CCDC73: variants seen among roughly 807,000 people sequenced by gnomAD.
CCDC73 encodes the protein coiled-coil domain-containing protein 73.
CCDC73 carries 95 observed loss-of-function variants against 116.5 expected under a neutral mutation model. The observed-to-expected ratio is 0.82, with a 90% confidence interval of 0.69 to 0.97. The LOEUF is 0.97. Among genes scored for constraint, CCDC73 ranks in the 50% least tolerant of loss-of-function variants. The pLI is 0.00. For synonymous variants in CCDC73, 398 were observed against 401.3 expected (o/e 0.99, Z 0.10); for missense variants, 1,066 against 1,206.8 (o/e 0.88, Z 1.73).
chr11:32,693,339 C>CA (rs984187216), intron 6 of CCDC73, among the ~76,000 whole-genome samples: 1 of 152,138 alleles, frequency 6.6e-6, no homozygotes, highest in African/African-American at 2.4e-5. Flanking sequence ...ATTTAAGTTT[C>CA]AACTTGGGGG....
chr11:32,771,630 A>G (rs1032338660), intron 1 of CCDC73, among the ~76,000 whole-genome samples: 30 of 152,204 alleles, frequency 2.0e-4, no homozygotes, highest in Non-Finnish European at 1.2e-4. Context: ...GCAGCCAAAG[A>G]GCATGAACCA....
chr11:32,689,328 T>C (rs113282171), intron 6 of CCDC73, among the ~76,000 whole-genome samples: 4,422 of 152,124 alleles, frequency 0.029, 83 homozygotes, highest in Non-Finnish European at 0.039. Flanking sequence ...AAGAGCTCTG[T>C]AGGAAGAATT....
chr11:32,707,703 ATTAT>A (rs34269657), intron 3 of CCDC73, among the ~76,000 whole-genome samples: 41,164 of 151,948 alleles, frequency 0.27, 5,871 homozygotes, highest in South Asian at 0.35. Flanking sequence ...AACAAAGCAC[ATTAT>A]TTACGGTATG....
At chr11:32,617,546 A>G (rs2133224226) in intron 14 of CCDC73, among the ~76,000 whole-genome samples, 1 of 152,334 alleles carries the variant, frequency 6.6e-6, no homozygotes. Context: ...AGAGTGATAC[A>G]TCAGGAGAGT....
chr11:32,804,419 C>G, the CCDC73 span, among the ~76,000 whole-genome samples: 1 of 152,338 alleles, frequency 6.6e-6, no homozygotes, highest in East Asian at 1.9e-4. Context: ...GTGTGAGCCA[C>G]TGGTGCCAGC....
At chr11:32,776,371 T>C (rs1297611193) in intron 1 of CCDC73, among the ~76,000 whole-genome samples, 2 of 152,180 alleles carry the variant, frequency 1.3e-5, no homozygotes, top group East Asian at 3.8e-4. Flanking sequence ...GTTCTTTTTG[T>C]ATACAAATCA....
intron 2 of CCDC73, among the ~76,000 whole-genome samples, chr11:32,742,967 G>C (rs1414684528): frequency 6.6e-6 from 1 of 152,174 alleles, no homozygotes. Flanking sequence ...GATGGTGGTA[G>C]ATGTGTGGTG....
chr11:32,734,092 C>G (rs1348002155), intron 2 of CCDC73, among the ~76,000 whole-genome samples: 3 of 152,154 alleles, frequency 2.0e-5, no homozygotes, highest in South Asian at 2.1e-4. Flanking sequence ...AAGGGGATAT[C>G]ACCACTGATC....
rs922138185 is a variant in CCDC73 at position 32,677,588 on chromosome 11, C to G, written c.430-1567G>C. 3.3e-5 allele frequency among the ~76,000 whole-genome samples: 5 copies of G among 152,126 alleles called. No individual in the cohort carries two copies. In the East Asian group the frequency reaches 7.7e-4, roughly 23 times the overall value. On this transcript the variant is annotated intron_variant, in intron 7 of 17. Transcript: ENST00000335185. ...TCATTCTCAAGCAATTCTTTATTCT[C>G]TGGTTGATTGTGAATGCCTCCCCTA...
rs768348857 is a variant in CCDC73 at position 32,614,436 on chromosome 11, C to A, written c.1882G>T (p.Asp628Tyr). 9.3e-6 allele frequency: 15 copies of A among 1,613,486 alleles called. No individual in the cohort carries two copies. Among genetic ancestry groups the A allele is most frequent in the Non-Finnish European group, 1.2e-5 (14 of 1,179,732 alleles). ...EITNSDQTKA[D>Y]LDSSLDIKKN... is the part of the protein sequence containing the mutation. ...TTTATATCTAGAGACGAGTCCAAAT[C>A]TGCTTTGGTTTGGTCACTATTTGTA... is the stretch of plus-strand genomic sequence containing the variant. The change falls in exon 16 of 18, where the codon GAT becomes TAT. Residue 628 changes from aspartate (D) to tyrosine (Y), a missense_variant. Physicochemically the swap from Asp to Tyr is radical, Grantham distance 160. Transcript: ENST00000335185.
chr11:32,721,942 A>G (rs959689942), intron 2 of CCDC73, among the ~76,000 whole-genome samples: 1 of 152,094 alleles, frequency 6.6e-6, no homozygotes, highest in African/African-American at 2.4e-5. Context: ...ATACATACAC[A>G]TATATACACT....
chr11:32,708,930 A>C (rs2133323096), intron 3 of CCDC73, among the ~76,000 whole-genome samples: 1 of 152,154 alleles, frequency 6.6e-6, no homozygotes, highest in African/African-American at 2.4e-5. Flanking sequence ...TCTGGCTAGG[A>C]CTTCTAGTAC....
At chr11:32,755,847 ATATG>A (rs1350370613) in intron 2 of CCDC73, among the ~76,000 whole-genome samples, 1 of 134,522 alleles carries the variant, frequency 7.4e-6, no homozygotes, top group Admixed American at 8.0e-5. Context: ...ATCTCCATAT[ATATG>A]TGTGTGTATA....
At chr11:32,788,429 CT>C (rs1850645935) in intron 1 of CCDC73, among the ~76,000 whole-genome samples, 1 of 151,338 alleles carries the variant, frequency 6.6e-6, no homozygotes, top group African/African-American at 2.4e-5. Flanking sequence ...TTCAATAAAT[CT>C]TTCTGTTTAA....
chr11:32,615,994 T>C lies in CCDC73; in HGVS notation c.1321A>G (p.Arg441Gly), dbSNP rs201350176. 2 of 1,597,038 alleles carry C rather than the reference T, an allele frequency of 1.3e-6. No homozygotes were observed. The highest frequency in any genetic ancestry group is 1.3e-5 in the African/African-American group (1 of 74,200). ...CCTTCTTTTTTTTCTTCTTTTTCTC[T>C]GTATTCAGTATCTGAACAAAAATTC... ...MENFCSDTEYREKEEKKEGSF... is the reference protein window; with the variant it reads ...MENFCSDTEYGEKEEKKEGSF... Residue 441 changes from arginine to glycine, a missense_variant, in exon 15 of 18, where the codon AGA (arginine) becomes GGA (glycine). By Grantham distance (125) the Arg-to-Gly change is moderately radical (BLOSUM62 -2). Transcript: ENST00000335185.
chr11:32,614,738 C>A lies in CCDC73; in HGVS notation c.1580G>T (p.Gly527Val). The A allele has an allele frequency of 6.2e-7, 1 of 1,612,574 alleles. No homozygotes were observed. The highest frequency in any genetic ancestry group is 8.5e-7 in the Non-Finnish European group (1 of 1,179,166). Reference sequence around the variant, plus strand: ...ATTTGGTGATTTAAATTCTGTACATCCATTGTCTTTTTCCAAGCATATCTT... The same window carrying A: ...ATTTGGTGATTTAAATTCTGTACATACATTGTCTTTTTCCAAGCATATCTT... ...KDKICLEKDNGCTEFKSPNNH... is the reference protein window; with the variant it reads ...KDKICLEKDNVCTEFKSPNNH... Residue 527 changes from glycine to valine, a missense_variant, in exon 16 of 18, where the codon GGA becomes GTA. Coordinates refer to ENST00000335185, the MANE Select transcript of CCDC73 (RefSeq NM_001008391.4).
At position 32,613,840 on chromosome 11, in the gene CCDC73, G is replaced by A. The variant is rs754518007; in HGVS notation, c.2478C>T (p.Leu826=). ...TTTCATTAATGCTCACAAAAAGGAAGAGGTCATTTTTTGTGGCTTCAGTTA... is the reference window on the plus strand; with the variant it reads ...TTTCATTAATGCTCACAAAAAGGAAAAGGTCATTTTTTGTGGCTTCAGTTA... ...NQVTEATKND[L]FLFVSINERQ... is the part of the protein sequence containing the mutation. The change falls in exon 16 of 18, where the codon CTC becomes CTT. Residue 826 remains leucine (L), a synonymous_variant. Coordinates refer to ENST00000335185, the MANE Select transcript of CCDC73 (RefSeq NM_001008391.4). The A allele has an allele frequency of 6.2e-7, 1 of 1,613,644 alleles. No homozygotes were observed. The highest frequency in any genetic ancestry group is 8.5e-7 in the Non-Finnish European group (1 of 1,179,924).
intron 7 of CCDC73, chr11:32,679,785 T>A (rs1856127443): frequency 6.6e-6 from 1 of 152,188 alleles, no homozygotes; most frequent in Admixed American, 6.6e-5. Context: ...TAAAAAGTGA[T>A]GAATAAAATA....
intron 12 of CCDC73, among the ~76,000 whole-genome samples, chr11:32,649,905 A>C (rs1362761732): frequency 6.6e-6 from 1 of 152,178 alleles, no homozygotes; most frequent in Non-Finnish European, 1.5e-5. Context: ...GTTTTTGACA[A>C]TACTTTAAAA....
Sources: gnomAD v4.1 joint callset for allele counts (sites outside exome capture counted in the v4.1 genomes callset) on GRCh38, gnomAD v4.1.1 for gene constraint, MANE v1.5 for transcripts, NCBI Gene and HGNC (gene_info 2026-07-23, HGNC 2026-07-21) for gene names.